The following SLIT2 variants were observed in gnomAD, a reference collection of about 807,000 sequenced individuals.
The protein encoded by SLIT2 is slit homolog 2 protein.
A neutral mutation model predicts 185.7 loss-of-function variants in SLIT2; 41 were observed. That is an observed-to-expected ratio of 0.22 (90% CI 0.17 to 0.29). The LOEUF is 0.29. SLIT2 is among the 10% of genes least tolerant of loss of function. The probability of loss-of-function intolerance (pLI) is 1.00; values close to 1 mark genes in which losing one functional copy is unlikely to be tolerated. For synonymous variants in SLIT2, 693 were observed against 680.2 expected, an observed-to-expected ratio of 1.02 and a Z score of -0.29; for missense variants, 1,571 against 1,909.0, an observed-to-expected ratio of 0.82 and a Z score of 3.30.
intron 5 of SLIT2, among the ~76,000 whole-genome samples, chr4:20,474,528 A>G (rs1715890671): frequency 6.6e-6 from 1 of 152,126 alleles, no homozygotes; most frequent in Admixed American, 6.5e-5. Context: ...AATGCCTTCT[A>G]GAACAAAACA....
chr4:20,551,361 G>A (rs1289407705), intron 25 of SLIT2, among the ~76,000 whole-genome samples: 1 of 152,130 alleles, frequency 6.6e-6, no homozygotes, highest in Non-Finnish European at 1.5e-5. Flanking sequence ...AACATGGTTC[G>A]AGACTATAGT....
chr4:20,285,806 C>G (rs1577369499), intron 4 of SLIT2, among the ~76,000 whole-genome samples: 1 of 152,152 alleles, frequency 6.6e-6, no homozygotes, highest in Non-Finnish European at 1.5e-5. Context: ...CTTCAACCTC[C>G]CAAAGTGCTG....
chr4:20,359,491 G>GA (rs1196582612), intron 4 of SLIT2, among the ~76,000 whole-genome samples: 2 of 152,068 alleles, frequency 1.3e-5, no homozygotes, highest in African/African-American at 4.8e-5. Flanking sequence ...ATGTTGAAAA[G>GA]ATTGCATTTG....
Position 20,579,012 on chromosome 4 carries a change from C to G in SLIT2, c.3088+10008C>G, listed in dbSNP as rs146270592. On this transcript the variant is annotated intron_variant, in intron 29 of 36. Coordinates refer to ENST00000504154, the MANE Select transcript of SLIT2 (RefSeq NM_004787.4). ...GATAGAAAGCAATTAATAGTCCAGC[C>G]AAGGTGGGCACAGTAGCTCATGCCT... Among the ~76,000 whole-genome samples the G allele has an allele frequency of 2.0e-5, 3 of 152,106 alleles. No homozygotes were observed. In the East Asian group the frequency reaches 5.8e-4, roughly 29 times the overall value.
At chr4:20,353,931 G>A (rs933635100) in intron 4 of SLIT2, among the ~76,000 whole-genome samples, 38 of 152,106 alleles carry the variant, frequency 2.5e-4, no homozygotes, top group Non-Finnish European at 2.9e-4. Context: ...TTTAACATTG[G>A]AAAGAGATGG....
chr4:20,537,715 C>T (rs931426377), intron 18 of SLIT2, among the ~76,000 whole-genome samples: 6 of 152,078 alleles, frequency 3.9e-5, no homozygotes, highest in African/African-American at 1.2e-4. Flanking sequence ...GGTAGTTAAT[C>T]CTAGAATAGT....
rs144564386 is a variant in SLIT2, at chr4:20,397,647, A to G, written c.396-70105A>G. Among the ~76,000 whole-genome samples the G allele has an allele frequency of 2.8e-4, 43 of 151,956 alleles. No individual in the cohort carries two copies. In the South Asian group the frequency reaches 3.1e-3, roughly 11 times the overall value. On this transcript the variant is annotated intron_variant, in intron 4 of 36. Transcript: ENST00000504154. ...TGTATATACCTGTTTTATACATAAT[A>G]TAGTTTTAAATATCTTGCAGTTGCC...
intron 4 of SLIT2, among the ~76,000 whole-genome samples, chr4:20,321,986 T>G (rs967202695): frequency 9.3e-5 from 14 of 149,860 alleles, no homozygotes; most frequent in Admixed American, 2.0e-4. Context: ...TCTGGAGGGG[T>G]GGGGTCCTCC....
chr4:20,400,638 C>A (rs111816779), intron 4 of SLIT2, among the ~76,000 whole-genome samples: 10 of 150,682 alleles, frequency 6.6e-5, no homozygotes, highest in African/African-American at 2.2e-4. Context: ...AAATTGAAAA[C>A]ATAGAACTGG....
rs1722799301 is a variant in SLIT2 at position 20,541,521 on chromosome 4, A to G, written c.2045A>G (p.Lys682Arg). The change falls in exon 20 of 37, where the codon AAG (lysine) becomes AGG (arginine). Residue 682 changes from lysine to arginine, a missense_variant. Around this residue, in one of 3 missense-constraint regions of SLIT2, gnomAD observed 1,202 missense variants for 1,416.4 expected, o/e 0.85. Coordinates refer to ENST00000504154, the MANE Select transcript of SLIT2 (RefSeq NM_004787.4). ...TGGTTGGGAGAGTGGCTGAGAAAGA[A>G]GAGAATTGTCACGGGAAATCCTAGA... is the stretch of plus-strand genomic sequence containing the variant. ...LAWLGEWLRKKRIVTGNPRCQ... is the reference protein window; with the variant it reads ...LAWLGEWLRKRRIVTGNPRCQ... 2 of 1,613,868 alleles carry G rather than the reference A, an allele frequency of 1.2e-6. No individual in the cohort carries two copies. The highest frequency in any genetic ancestry group is 2.7e-5 in the African/African-American group (2 of 74,914).
chr4:20,610,239 T>C, intron 34 of SLIT2, 72 bp downstream of exon 34: 1 of 1,335,234 alleles, frequency 7.5e-7, no homozygotes, highest in Non-Finnish European at 1.0e-6. Flanking sequence ...CTGAAGTTTG[T>C]TAATGCCTAA....
chr4:20,376,865 G>A (rs1468104170), intron 4 of SLIT2, among the ~76,000 whole-genome samples: 2 of 152,036 alleles, frequency 1.3e-5, no homozygotes, highest in Non-Finnish European at 2.9e-5. Context: ...ACACACCAGG[G>A]CCTGTCGTGG....
At chr4:20,272,764 A>C (rs987159498) in intron 4 of SLIT2, among the ~76,000 whole-genome samples, 1 of 152,168 alleles carries the variant, frequency 6.6e-6, no homozygotes, top group Non-Finnish European at 1.5e-5. Context: ...AACCAAAACT[A>C]AACAAACAAA....
intron 4 of SLIT2, among the ~76,000 whole-genome samples, chr4:20,324,556 G>A (rs1719393730): frequency 6.6e-6 from 1 of 152,122 alleles, no homozygotes; most frequent in African/African-American, 2.4e-5. Flanking sequence ...ATGGGAAAGA[G>A]ATCTGTTGTA....
rs369822649 is a variant in SLIT2, at chr4:20,562,830, C to T, written c.2726-4432C>T. On this transcript the variant is annotated intron_variant, in intron 26 of 36. Coordinates refer to ENST00000504154, the MANE Select transcript of SLIT2 (RefSeq NM_004787.4). ...TCCCCAGGATGTTTTCCTGAGTTGC[C>T]TTTGATGTACCTCTGGCTTGATAGA... Among the ~76,000 whole-genome samples the T allele has an allele frequency of 2.6e-5, 4 of 151,792 alleles. No homozygotes were observed. In the South Asian group the frequency reaches 8.3e-4, roughly 32 times the overall value.
chr4:20,291,934 G>A (rs1266076327), intron 4 of SLIT2, among the ~76,000 whole-genome samples: 5 of 150,232 alleles, frequency 3.3e-5, no homozygotes, highest in Non-Finnish European at 3.0e-5. Context: ...GTGTGTGTGT[G>A]TGTGTGCATG....
At chr4:20,567,218 A>T (rs182008502) in intron 26 of SLIT2, 44 bp from the exon 27 acceptor site, 1 of 1,556,478 alleles carries the variant, frequency 6.4e-7, no homozygotes, top group South Asian at 1.2e-5. Context: ...TTAAAAGTAA[A>T]CTGGAAGAGC....
chr4:20,534,791 G>C (rs1030683354), intron 18 of SLIT2, among the ~76,000 whole-genome samples: 40 of 152,066 alleles, frequency 2.6e-4, no homozygotes, highest in African/African-American at 8.2e-4. Flanking sequence ...CATTCCCACA[G>C]CCAGCAAGAT....
At chr4:20,527,035 G>T (rs149049408) in intron 15 of SLIT2, among the ~76,000 whole-genome samples, 3 of 152,140 alleles carry the variant, frequency 2.0e-5, no homozygotes, top group African/African-American at 7.2e-5. Flanking sequence ...GTAATGAAAC[G>T]ATTATATTTA....
Sources: gnomAD v4.1 joint callset for allele counts (sites outside exome capture counted in the v4.1 genomes callset) on GRCh38, gnomAD v4.1.1 for gene constraint, gnomAD v4.1.1 regional missense constraint, MANE v1.5 for transcripts, NCBI Gene and HGNC (gene_info 2026-07-23, HGNC 2026-07-21) for gene names.